The following PDE4D variants were observed in gnomAD, a reference collection of about 807,000 sequenced individuals.
PDE4D encodes 3',5'-cyclic-AMP phosphodiesterase 4D.
A neutral mutation model predicts 87.4 loss-of-function variants in PDE4D; 24 were observed. That is an observed-to-expected ratio of 0.27 (90% CI 0.20 to 0.39). The LOEUF is 0.39. Ranked by LOEUF, PDE4D falls within the 10% of genes least tolerant of loss-of-function variation. The pLI is 1.00. For synonymous variants in PDE4D, 384 were observed against 383.2 expected, an observed-to-expected ratio of 1.00 and a Z score of -0.02; for missense variants, 714 against 1,041.0, an observed-to-expected ratio of 0.69 and a Z score of 4.32.
intron 3 of PDE4D, among the ~76,000 whole-genome samples, chr5:59,959,114 G>GCACA (rs70975352): frequency 0.92 from 138,274 of 150,524 alleles, 64,370 homozygotes; most frequent in Non-Finnish European, 0.99. Flanking sequence ...ACACGCAGGT[G>GCACA]CACACACACA....
chr5:59,288,550 A>G (rs1453382164), intron 1 of PDE4D, among the ~76,000 whole-genome samples: 3 of 152,092 alleles, frequency 2.0e-5, no homozygotes, highest in African/African-American at 7.2e-5. Context: ...AGGGAAAATA[A>G]CAGAGACCTT....
At chr5:60,195,257 C>T (rs369306592) in intron 1 of PDE4D, among the ~76,000 whole-genome samples, 3 of 151,720 alleles carry the variant, frequency 2.0e-5, no homozygotes, top group African/African-American at 7.2e-5. Context: ...TCCTGAATGC[C>T]TCCCACAGTA....
chr5:59,196,063 T>C (rs1745396797), intron 2 of PDE4D, among the ~76,000 whole-genome samples: 1 of 151,810 alleles, frequency 6.6e-6, no homozygotes, highest in Non-Finnish European at 1.5e-5. Context: ...GATGACAGCA[T>C]TAAAAGCTCT....
At chr5:59,631,317 C>T (rs1364423315) in intron 1 of PDE4D, among the ~76,000 whole-genome samples, 3 of 152,198 alleles carry the variant, frequency 2.0e-5, no homozygotes, top group Non-Finnish European at 2.9e-5. Context: ...TTAACTATTT[C>T]TTCTCTTATC....
At chr5:59,555,534 T>C (rs1818757166) in intron 1 of PDE4D, among the ~76,000 whole-genome samples, 2 of 152,106 alleles carry the variant, frequency 1.3e-5, no homozygotes, top group East Asian at 1.9e-4. Context: ...ATGAAATGCA[T>C]AGGGCAAAGG....
At chr5:59,025,797 C>T (rs1044003744) in intron 6 of PDE4D, among the ~76,000 whole-genome samples, 37 of 152,222 alleles carry the variant, frequency 2.4e-4, no homozygotes, top group African/African-American at 4.8e-4. Flanking sequence ...ATATGGCAGC[C>T]GCATCTTTGC....
intron 1 of PDE4D, among the ~76,000 whole-genome samples, chr5:59,240,710 C>G (rs977878866): frequency 2.6e-5 from 4 of 151,912 alleles, no homozygotes; most frequent in Non-Finnish European, 4.4e-5. Context: ...ATTTTGGAGA[C>G]CAGAGACCCC....
chr5:59,454,581 C>T, intron 1 of PDE4D, among the ~76,000 whole-genome samples: 1 of 152,070 alleles, frequency 6.6e-6, no homozygotes, highest in Non-Finnish European at 1.5e-5. Context: ...AGCATGAAAA[C>T]AGACTAATAG....
intron 1 of PDE4D, among the ~76,000 whole-genome samples, chr5:59,812,707 A>T (rs1768503922): frequency 6.6e-6 from 1 of 152,164 alleles, no homozygotes; most frequent in African/African-American, 2.4e-5. Flanking sequence ...AAAAGTAACA[A>T]GTGAGACAAG....
intron 2 of PDE4D, among the ~76,000 whole-genome samples, chr5:59,211,148 C>T (rs1308096110): frequency 6.6e-6 from 1 of 152,120 alleles, no homozygotes; most frequent in Non-Finnish European, 1.5e-5. Flanking sequence ...AAAATTTTTA[C>T]TATTAATGGT....
rs573028385 is a variant in PDE4D, at chr5:60,049,256, T to A, written c.43-60539A>T. 2.5e-3 allele frequency among the ~76,000 whole-genome samples: 388 copies of A among 152,348 alleles called. 2 individuals are homozygous for A. Among genetic ancestry groups the A allele is most frequent in the African/African-American group, 9.0e-3 (374 of 41,570 alleles). On this transcript the variant is annotated intron_variant, in intron 2 of 16. Coordinates refer to the PDE4D transcript ENST00000502484. ...ACTTCTCTGTATTGGTTATTCTAGTTATACATTCTTCTCAATTTTTTTCAA... is the reference window on the plus strand; with the variant it reads ...ACTTCTCTGTATTGGTTATTCTAGTAATACATTCTTCTCAATTTTTTTCAA...
chr5:59,629,148 TG>T (rs1461317251), intron 1 of PDE4D, among the ~76,000 whole-genome samples: 1 of 152,110 alleles, frequency 6.6e-6, no homozygotes, highest in Non-Finnish European at 1.5e-5. Context: ...GATATTTTGG[TG>T]GGGACACAGC....
chr5:58,979,802 G>A (rs188225650), intron 11 of PDE4D, among the ~76,000 whole-genome samples: 2 of 152,004 alleles, frequency 1.3e-5, no homozygotes, highest in African/African-American at 2.4e-5. Context: ...AGCATGTATC[G>A]CATTCTACCT....
chr5:60,007,565 C>T (rs1381772246), intron 2 of PDE4D, among the ~76,000 whole-genome samples: 2 of 151,910 alleles, frequency 1.3e-5, no homozygotes, highest in African/African-American at 2.4e-5. Context: ...GTTTTGTTAC[C>T]ACACATACCT....
intron 5 of PDE4D, among the ~76,000 whole-genome samples, chr5:59,099,566 A>C (rs922658535): frequency 6.6e-6 from 1 of 152,050 alleles, no homozygotes; most frequent in Admixed American, 6.5e-5. Flanking sequence ...AAAATGTGAC[A>C]GTACGAGTTA....
intron 5 of PDE4D, among the ~76,000 whole-genome samples, chr5:59,107,401 G>A (rs1771799647): frequency 6.6e-6 from 1 of 152,076 alleles, no homozygotes; most frequent in Non-Finnish European, 1.5e-5. Context: ...TAGAGACGGG[G>A]TTTCATCATG....
At chr5:59,150,598 C>T (rs1779332730) in intron 5 of PDE4D, among the ~76,000 whole-genome samples, 1 of 152,068 alleles carries the variant, frequency 6.6e-6, no homozygotes, top group African/African-American at 2.4e-5. Flanking sequence ...GGGCCTGGCA[C>T]ATGGAAGACT....
intron 1 of PDE4D, among the ~76,000 whole-genome samples, chr5:59,645,970 T>C (rs1183196907): frequency 6.6e-6 from 1 of 152,126 alleles, no homozygotes; most frequent in African/African-American, 2.4e-5. Context: ...GAAAACATAA[T>C]AGAATCATGT....
At chr5:59,264,623 G>T (rs1554114572) in intron 1 of PDE4D, among the ~76,000 whole-genome samples, 1 of 151,904 alleles carries the variant, frequency 6.6e-6, no homozygotes, top group Non-Finnish European at 1.5e-5. Context: ...ATCTTTAATG[G>T]TTAATTTTTT....
Sources: gnomAD v4.1 joint callset for allele counts (sites outside exome capture counted in the v4.1 genomes callset) on GRCh38, gnomAD v4.1.1 for gene constraint, MANE v1.5 for transcripts, NCBI Gene and HGNC (gene_info 2026-07-23, HGNC 2026-07-21) for gene names.